Variants in KAZN observed in about 807,000 individuals in gnomAD.
KAZN encodes kazrin, periplakin interacting protein, also known as kazrin.
In KAZN, 40 loss-of-function variants were observed where a neutral mutation model predicts 87.4. The observed-to-expected ratio is 0.46, with a 90% CI of 0.36 to 0.60. The LOEUF is 0.60. Ranked by LOEUF, KAZN falls within the 20% of genes least tolerant of loss-of-function variation. The probability of loss-of-function intolerance (pLI) is 0.00; values close to 1 mark genes in which losing one functional copy is unlikely to be tolerated. For synonymous variants in KAZN, 466 were observed against 458.3 expected, an observed-to-expected ratio of 1.02 and a Z score of -0.22; for missense variants, 898 against 1,073.9, an observed-to-expected ratio of 0.84 and a Z score of 2.29.
intron 2 of KAZN, among the ~76,000 whole-genome samples, chr1:14,213,799 G>A (rs1324317202): frequency 1.3e-5 from 2 of 152,188 alleles, no homozygotes; most frequent in South Asian, 2.1e-4. Context: ...CTAGTTATGA[G>A]GCTACCTGTG....
At chr1:14,146,434 G>A (rs1185885901) in intron 1 of KAZN, among the ~76,000 whole-genome samples, 1 of 151,084 alleles carries the variant, frequency 6.6e-6, no homozygotes, top group Non-Finnish European at 1.5e-5. Context: ...TACTCGGGAG[G>A]CTGAGGCAGG....
chr1:14,863,218 T>A (rs1651069696), intron 1 of KAZN, among the ~76,000 whole-genome samples: 2 of 152,222 alleles, frequency 1.3e-5, no homozygotes, highest in African/African-American at 4.8e-5. Flanking sequence ...ATGTGGGATC[T>A]ATGAGCAGCC....
intron 1 of KAZN, among the ~76,000 whole-genome samples, chr1:14,623,347 G>A (rs1023018533): frequency 6.6e-6 from 1 of 152,210 alleles, no homozygotes; most frequent in Non-Finnish European, 1.5e-5. Context: ...AGGCCATTAT[G>A]CTCAGTGAAC....
At chr1:14,696,992 C>T (rs1641639026) in intron 1 of KAZN, among the ~76,000 whole-genome samples, 1 of 151,946 alleles carries the variant, frequency 6.6e-6, no homozygotes, top group Non-Finnish European at 1.5e-5. Context: ...CAACCCTTCT[C>T]CTATGAAAAA....
intron 13 of KAZN, among the ~76,000 whole-genome samples, chr1:15,106,834 T>C (rs1641311345): frequency 6.6e-6 from 1 of 152,158 alleles, no homozygotes; most frequent in Non-Finnish European, 1.5e-5. Context: ...CCGATAAACC[T>C]TGGTCCGGCG....
chr1:14,611,889 C>A (rs1273843811), intron 1 of KAZN, among the ~76,000 whole-genome samples: 2 of 152,104 alleles, frequency 1.3e-5, no homozygotes, highest in African/African-American at 4.8e-5. Flanking sequence ...AGGCTTTGGG[C>A]ACCATAAAAT....
At chr1:13,930,499 C>T (rs1640468163) in intron 1 of KAZN, among the ~76,000 whole-genome samples, 1 of 152,116 alleles carries the variant, frequency 6.6e-6, no homozygotes, top group African/African-American at 2.4e-5. Flanking sequence ...AGCCATTTTC[C>T]CCCTTTTTCC....
intron 1 of KAZN, among the ~76,000 whole-genome samples, chr1:14,619,685 A>G (rs1475466630): frequency 1.3e-5 from 2 of 152,186 alleles, no homozygotes; most frequent in African/African-American, 4.8e-5. Flanking sequence ...TTAAGCAGTC[A>G]CTTCCCATTC....
In KAZN at chr1:15,056,951, T is replaced by A. The variant is rs1048962394; in HGVS notation, c.916+671T>A. Among the ~76,000 whole-genome samples, 2 of 152,222 alleles carry A rather than the reference T, an allele frequency of 1.3e-5. No individual in the cohort carries two copies. Among genetic ancestry groups the A allele is most frequent in the Non-Finnish European group, 2.9e-5 (2 of 68,034 alleles). On this transcript the variant is annotated intron_variant, in intron 5 of 14. Coordinates refer to ENST00000376030, the MANE Select transcript of KAZN (RefSeq NM_201628.3). The surrounding 1 kb of genome is among the most constrained non-coding windows in gnomAD (Gnocchi z 5.4). The stretch of plus-strand genomic sequence containing the variant: ...CCTTCTGCAAGTAGTTGCCCTTATG[T>A]GATAGATGCAAGTTGGGAACAGGCA...
intron 1 of KAZN, among the ~76,000 whole-genome samples, chr1:14,711,917 C>A (rs754329724): frequency 6.6e-6 from 1 of 152,146 alleles, no homozygotes; most frequent in Non-Finnish European, 1.5e-5. Flanking sequence ...CCATTAGGAC[C>A]GGGACAGCTT....
intron 1 of KAZN, among the ~76,000 whole-genome samples, chr1:14,021,405 C>A (rs2101255661): frequency 6.6e-6 from 1 of 152,278 alleles, no homozygotes; most frequent in Non-Finnish European, 1.5e-5. Context: ...CATTTTCATC[C>A]AATTCCCAGG....
intron 2 of KAZN, among the ~76,000 whole-genome samples, chr1:14,534,754 A>T (rs1022802449): frequency 6.6e-6 from 1 of 152,210 alleles, no homozygotes; most frequent in African/African-American, 2.4e-5. Flanking sequence ...TCCCAGGGTG[A>T]GTAGCCAGTG....
chr1:15,083,507 C>T (rs976925397), intron 8 of KAZN, among the ~76,000 whole-genome samples: 1 of 152,190 alleles, frequency 6.6e-6, no homozygotes, highest in African/African-American at 2.4e-5. Flanking sequence ...GCATGAGTGT[C>T]TCTGGTCATA....
chr1:14,609,064 C>T (rs768603637), intron 1 of KAZN, among the ~76,000 whole-genome samples: 37 of 152,054 alleles, frequency 2.4e-4, no homozygotes, highest in Non-Finnish European at 4.0e-4. Context: ...GACCATAGAG[C>T]GTGACAAATG....
chr1:14,948,269 T>A (rs1194318766), intron 1 of KAZN, among the ~76,000 whole-genome samples: 2 of 152,224 alleles, frequency 1.3e-5, no homozygotes, highest in East Asian at 1.9e-4. Context: ...GGATCTGGCT[T>A]CAGGTGTGGT....
chr1:14,064,266 G>A (rs1166078140), intron 1 of KAZN, among the ~76,000 whole-genome samples: 2 of 152,126 alleles, frequency 1.3e-5, no homozygotes, highest in Admixed American at 6.5e-5. Context: ...ACCTCCTGAC[G>A]AGGGGAGGCT....
intron 1 of KAZN, among the ~76,000 whole-genome samples, chr1:14,796,243 A>G (rs548836224): frequency 1.3e-5 from 2 of 152,242 alleles, no homozygotes; most frequent in Non-Finnish European, 2.9e-5. Context: ...GCCTCAATCC[A>G]GGGCTGGGCA....
chr1:14,400,749 C>G (rs1211040917), intron 2 of KAZN, among the ~76,000 whole-genome samples: 2 of 152,210 alleles, frequency 1.3e-5, no homozygotes, highest in East Asian at 3.8e-4. Flanking sequence ...TGCTGCATTG[C>G]CCATCACTTG....
intron 2 of KAZN, among the ~76,000 whole-genome samples, chr1:15,026,812 C>G (rs1248015150): frequency 6.6e-6 from 1 of 152,108 alleles, no homozygotes. Context: ...AGTGTAACAA[C>G]TACTTACATA....
Sources: gnomAD v4.1 joint callset for allele counts (sites outside exome capture counted in the v4.1 genomes callset) on GRCh38, gnomAD v4.1.1 for gene constraint, Gnocchi (gnomAD v3.1) non-coding constraint, MANE v1.5 for transcripts, NCBI Gene and HGNC (gene_info 2026-07-23, HGNC 2026-07-21) for gene names.